RFTN1: variants seen among roughly 807,000 people sequenced by gnomAD.
RFTN1 encodes the protein raftlin, lipid raft linker 1, also known as raftlin.
A neutral mutation model predicts 46.5 loss-of-function variants in RFTN1; 26 were observed. That is an observed-to-expected ratio of 0.56 (90% CI 0.41 to 0.78). The LOEUF is 0.78. RFTN1 is among the 30% of genes least tolerant of loss of function. The probability of loss-of-function intolerance (pLI) is 0.00; values close to 1 mark genes in which losing one functional copy is unlikely to be tolerated. For synonymous variants in RFTN1, 261 were observed against 284.2 expected, an observed-to-expected ratio of 0.92 and a Z score of 0.82; for missense variants, 693 against 718.7, an observed-to-expected ratio of 0.96 and a Z score of 0.41.
chr3:16,503,875 G>A (rs1481947848), intron 1 of RFTN1, among the ~76,000 whole-genome samples: 1 of 152,146 alleles, frequency 6.6e-6, no homozygotes, highest in Admixed American at 6.5e-5. Context: ...AGATGTCCAT[G>A]GATCCACCAC....
At chr3:16,510,681 T>A (rs2076882979) in intron 1 of RFTN1, among the ~76,000 whole-genome samples, 1 of 152,208 alleles carries the variant, frequency 6.6e-6, no homozygotes, top group African/African-American at 2.4e-5. Context: ...GGTGAGACTG[T>A]AAAATGGTAT....
At chr3:16,375,894 A>G (rs1210097238) in intron 5 of RFTN1, among the ~76,000 whole-genome samples, 1 of 152,054 alleles carries the variant, frequency 6.6e-6, no homozygotes, top group African/African-American at 2.4e-5. Context: ...TTGGGTGTCA[A>G]TTTTTCTGTG....
rs192290078 is a variant in RFTN1, at chr3:16,317,751, G to A, written c.1333-519C>T. Among the ~76,000 whole-genome samples, 5 of 144,554 alleles carry A rather than the reference G, an allele frequency of 3.5e-5. No individual in the cohort carries two copies. Among genetic ancestry groups the A allele is most frequent in the Non-Finnish European group, 5.9e-5 (4 of 67,306 alleles). 94.8% of individuals were successfully genotyped at this position (144,554 alleles called of 152,430 possible). On this transcript the variant is annotated intron_variant, in intron 9 of 9. Transcript: ENST00000334133. The surrounding 1 kb of genome is among the most constrained non-coding windows in gnomAD (Gnocchi z 4.3). ...GCTCAGATCCCCCCACAGGACTGGC[G>A]GGCCCGCTCCCCAGCTAGGCCGATA...
chr3:16,340,869 C>T lies in RFTN1; in HGVS notation c.1147-13993G>A, dbSNP rs189204512. Among the ~76,000 whole-genome samples, 98 of 152,146 alleles carry T rather than the reference C, an allele frequency of 6.4e-4. 1 individual carries two copies. The highest frequency in any genetic ancestry group is 4.5e-3 in the Admixed American group (69 of 15,296). ...TAAGGCCCTCAAGAGAATGAGAAGA[C>T]AAGTCAAAGACTAGGAGAAATATCT... On this transcript the variant is annotated intron_variant, in intron 7 of 9. Coordinates refer to ENST00000334133, the MANE Select transcript of RFTN1 (RefSeq NM_015150.2).
Position 16,474,815 on chromosome 3 carries a change from A to T in RFTN1, c.145+18910T>A, listed in dbSNP as rs762137148. On this transcript the variant is annotated intron_variant, in intron 2 of 9. Transcript: ENST00000334133. This position sits in a 1 kb window ranked among gnomAD's most constrained non-coding sequence, Gnocchi z 5.5. ...CAAGTTGGACTCTTTCGGGACAAAG[A>T]ATACAAGCTGCATCAGTTCTATTTC... 6.6e-6 allele frequency among the ~76,000 whole-genome samples: 1 copy of T among 152,222 alleles called. No homozygotes were observed. Among genetic ancestry groups the T allele is most frequent in the Non-Finnish European group, 1.5e-5 (1 of 68,028 alleles).
intron 4 of RFTN1, among the ~76,000 whole-genome samples, chr3:16,393,382 C>T (rs1177291389): frequency 6.6e-6 from 1 of 152,196 alleles, no homozygotes; most frequent in Non-Finnish European, 1.5e-5. Flanking sequence ...CAGCATAAAA[C>T]TCCAATGCAC....
chr3:16,431,409 G>C (rs1010831358), intron 3 of RFTN1, among the ~76,000 whole-genome samples: 3 of 151,936 alleles, frequency 2.0e-5, no homozygotes, highest in African/African-American at 7.3e-5. Context: ...CCTCCCCTGA[G>C]ACCTGCTATA....
chr3:16,438,839 C>T (rs937190160), intron 2 of RFTN1, among the ~76,000 whole-genome samples: 87 of 152,024 alleles, frequency 5.7e-4, no homozygotes, highest in Non-Finnish European at 2.6e-4. Flanking sequence ...CTGGTCACCC[C>T]GGGATGGTGA....
chr3:16,330,797 A>G (rs1286015353), intron 7 of RFTN1, among the ~76,000 whole-genome samples: 2 of 152,236 alleles, frequency 1.3e-5, no homozygotes, highest in African/African-American at 4.8e-5. Flanking sequence ...TTACCCTCCA[A>G]AAATTAGGAC....
At chr3:16,454,214 A>AT (rs1377688293) in intron 2 of RFTN1, among the ~76,000 whole-genome samples, 6 of 152,216 alleles carry the variant, frequency 3.9e-5, no homozygotes, top group Admixed American at 3.3e-4. Flanking sequence ...CCACTCTTAT[A>AT]TATCTTTACA....
intron 2 of RFTN1, chr3:16,482,598 A>G: frequency 1.3e-6 from 1 of 749,036 alleles, no homozygotes; most frequent in Non-Finnish European, 2.3e-6. Flanking sequence ...TCGTTGCAGA[A>G]CCACGGGCAC....
intron 2 of RFTN1, among the ~76,000 whole-genome samples, chr3:16,469,507 T>A (rs1040939207): frequency 3.3e-5 from 5 of 151,662 alleles, no homozygotes; most frequent in African/African-American, 1.2e-4. Context: ...CAAGAGACAG[T>A]GCAAAGGCAG....
At position 16,384,519 on chromosome 3, in the gene RFTN1, C is replaced by T. The variant is rs1479590993; in HGVS notation, c.442-6417G>A. 1.3e-5 allele frequency among the ~76,000 whole-genome samples: 2 copies of T among 152,236 alleles called. No homozygotes were observed. The highest frequency in any genetic ancestry group is 3.9e-4 in the East Asian group (2 of 5,174). ...GGAGGCTTTCAGCCATCACTGTTGCCCAGGTAAAGGAAATTTCCCCCATTG... is the reference window on the plus strand; with the variant it reads ...GGAGGCTTTCAGCCATCACTGTTGCTCAGGTAAAGGAAATTTCCCCCATTG... On this transcript the variant is annotated intron_variant, in intron 4 of 9. Transcript: ENST00000334133. This position sits in a 1 kb window ranked among gnomAD's most constrained non-coding sequence, Gnocchi z 4.7.
intron 3 of RFTN1, among the ~76,000 whole-genome samples, chr3:16,409,895 C>T (rs1392991588): frequency 1.3e-5 from 2 of 152,036 alleles, no homozygotes; most frequent in East Asian, 3.9e-4. Flanking sequence ...CCATGTTGGA[C>T]AGGCTGGTCT....
chr3:16,363,145 C>CA (rs1265653052), intron 6 of RFTN1, among the ~76,000 whole-genome samples: 2 of 152,180 alleles, frequency 1.3e-5, no homozygotes, highest in Non-Finnish European at 2.9e-5. Context: ...TCTGTAACAG[C>CA]AAAAAAGTCA....
At position 16,322,383 on chromosome 3, in the gene RFTN1, A is replaced by C. The variant is rs2125195551; in HGVS notation, c.1332+993T>G. On this transcript the variant is annotated intron_variant, in intron 9 of 9. Transcript: ENST00000334133. The surrounding 1 kb of genome is among the most constrained non-coding windows in gnomAD (Gnocchi z 6.2). Reference sequence around the variant, plus strand: ...CTGCTCCAATCTGTTCATTTACTTGATGCTCCTTCCCAGGGCTCTGTGTCC... The same window carrying C: ...CTGCTCCAATCTGTTCATTTACTTGCTGCTCCTTCCCAGGGCTCTGTGTCC... 6.6e-6 allele frequency among the ~76,000 whole-genome samples: 1 copy of C among 152,244 alleles called. No homozygotes were observed. The highest frequency in any genetic ancestry group is 1.9e-4 in the East Asian group (1 of 5,174).
At chr3:16,369,451 C>T (rs1266323500) in intron 6 of RFTN1, among the ~76,000 whole-genome samples, 4 of 152,236 alleles carry the variant, frequency 2.6e-5, no homozygotes, top group African/African-American at 7.2e-5. Flanking sequence ...CTTGCCTTCT[C>T]GTTAACCTAA....
intron 8 of RFTN1, among the ~76,000 whole-genome samples, chr3:16,325,447 A>G (rs2069597179): frequency 6.6e-6 from 1 of 152,232 alleles, no homozygotes; most frequent in Non-Finnish European, 1.5e-5. Context: ...GCTCAGAACC[A>G]GCTGGGCCTT....
rs1271932474 is a variant in RFTN1, at chr3:16,370,620, T to C, written c.827-341A>G. On this transcript the variant is annotated intron_variant, in intron 5 of 9. Coordinates refer to ENST00000334133, the MANE Select transcript of RFTN1 (RefSeq NM_015150.2). The surrounding 1 kb of genome is among the most constrained non-coding windows in gnomAD (Gnocchi z 5.5). ...GGTTCTAGAAATTCATACAAAGATG[T>C]GTTTTAGAAATAAAAGCAGACATAC... 2.0e-5 allele frequency among the ~76,000 whole-genome samples: 3 copies of C among 152,220 alleles called. No homozygotes were observed. Among genetic ancestry groups the C allele is most frequent in the Non-Finnish European group, 4.4e-5 (3 of 68,052 alleles).
Sources: gnomAD v4.1 joint callset for allele counts (sites outside exome capture counted in the v4.1 genomes callset) on GRCh38, gnomAD v4.1.1 for gene constraint, Gnocchi (gnomAD v3.1) non-coding constraint, MANE v1.5 for transcripts, NCBI Gene and HGNC (gene_info 2026-07-23, HGNC 2026-07-21) for gene names.